The following NTRK3 variants were observed in gnomAD, a reference collection of about 807,000 sequenced individuals.
NTRK3 encodes neurotrophic receptor tyrosine kinase 3.
A neutral mutation model predicts 91.7 loss-of-function variants in NTRK3; 24 were observed. That is an observed-to-expected ratio of 0.26 (90% confidence interval 0.19 to 0.37). The LOEUF (loss-of-function observed/expected upper bound fraction) is 0.37, where lower values mean the gene tolerates loss of function less well. NTRK3 is among the 10% of genes least tolerant of loss of function. NTRK3 has a pLI of 1.00. For synonymous variants in NTRK3, 483 were observed against 404.0 expected, an observed-to-expected ratio of 1.20 and a Z score of -2.34; for missense variants, 880 against 1,068.9, an observed-to-expected ratio of 0.82 and a Z score of 2.46.
At chr15:88,109,493 A>G (rs1423340080) in intron 13 of NTRK3, among the ~76,000 whole-genome samples, 2 of 152,210 alleles carry the variant, frequency 1.3e-5, no homozygotes, top group Non-Finnish European at 2.9e-5. Flanking sequence ...TCAAATGGAA[A>G]CATGAAAGTG....
chr15:88,168,759 T>C (rs1032560948), intron 5 of NTRK3, among the ~76,000 whole-genome samples: 1 of 152,208 alleles, frequency 6.6e-6, no homozygotes, highest in African/African-American at 2.4e-5. Flanking sequence ...GTCATCTCCC[T>C]TAATTCCTCT....
intron 17 of NTRK3, chr15:87,916,420 A>G: frequency 1.5e-6 from 1 of 679,774 alleles, no homozygotes; most frequent in Non-Finnish European, 2.7e-6. Context: ...TCAACACCAG[A>G]TTCAATGGTC....
intron 3 of NTRK3, among the ~76,000 whole-genome samples, chr15:88,198,697 G>A (rs1336359813): frequency 2.7e-5 from 4 of 149,388 alleles, no homozygotes; most frequent in Non-Finnish European, 5.9e-5. Context: ...TCAGTTCTGC[G>A]CTCAGTAAGC....
At chr15:88,153,485 C>T (rs1377458769) in intron 5 of NTRK3, among the ~76,000 whole-genome samples, 1 of 152,146 alleles carries the variant, frequency 6.6e-6, no homozygotes, top group Non-Finnish European at 1.5e-5. Flanking sequence ...AAACTCCTGA[C>T]CTCAGGTGAT....
At chr15:88,180,719 G>A (rs886865299) in intron 5 of NTRK3, among the ~76,000 whole-genome samples, 12 of 148,950 alleles carry the variant, frequency 8.1e-5, no homozygotes, top group East Asian at 2.0e-4. Flanking sequence ...GCCAGGGCTC[G>A]GCAATTAGTG....
At chr15:88,061,547 G>A (rs563027172) in intron 13 of NTRK3, among the ~76,000 whole-genome samples, 1 of 152,360 alleles carries the variant, frequency 6.6e-6, no homozygotes, top group African/African-American at 2.4e-5. Context: ...GGAGCAGAGT[G>A]GCAGCCGGAA....
intron 14 of NTRK3, among the ~76,000 whole-genome samples, chr15:87,963,759 T>C (rs547129437): frequency 7.2e-4 from 109 of 152,274 alleles, no homozygotes; most frequent in African/African-American, 2.3e-3. Flanking sequence ...TCATGGTAAA[T>C]TGAGGAGCAT....
rs775151422 is a variant in NTRK3 at position 88,255,015 on chromosome 15, G to T, written c.248+891C>A. 2.0e-5 allele frequency among the ~76,000 whole-genome samples: 3 copies of T among 152,162 alleles called. No homozygotes were observed. Among genetic ancestry groups the T allele is most frequent in the Admixed American group, 6.5e-5 (1 of 15,282 alleles). On this transcript the variant is annotated intron_variant, in intron 3 of 18. Transcript: ENST00000394480. The surrounding 1 kb of genome is among the most constrained non-coding windows in gnomAD (Gnocchi z 4.3). The stretch of plus-strand genomic sequence containing the variant: ...AAAGAAAAATAGCAAGGAGAAAAGA[G>T]CAGGCCACCACTGGTCTCCCTCGGA...
Position 88,241,036 on chromosome 15 carries a change from A to G in NTRK3, c.248+14870T>C, listed in dbSNP as rs1304731792. Among the ~76,000 whole-genome samples the G allele has an allele frequency of 2.6e-5, 4 of 152,194 alleles. No individual in the cohort carries two copies. The East Asian group carries it at 7.7e-4, about 29-fold the overall frequency. ...GTCCACAGGTCTTTACTGAACACCTACTAGGTGGGGGCTCTTGGGGACAGA... is the reference window on the plus strand; with the variant it reads ...GTCCACAGGTCTTTACTGAACACCTGCTAGGTGGGGGCTCTTGGGGACAGA... On this transcript the variant is annotated intron_variant, in intron 3 of 18. Transcript: ENST00000394480. This position sits in a 1 kb window ranked among gnomAD's most constrained non-coding sequence, Gnocchi z 4.3.
intron 15 of NTRK3, among the ~76,000 whole-genome samples, chr15:87,938,857 G>C (rs2069541231): frequency 6.6e-6 from 1 of 152,152 alleles, no homozygotes; most frequent in African/African-American, 2.4e-5. Context: ...TTGTCCATCT[G>C]ACCATCTCAT....
chr15:88,042,283 A>C (rs1469040107), intron 13 of NTRK3, among the ~76,000 whole-genome samples: 1 of 152,234 alleles, frequency 6.6e-6, no homozygotes, highest in African/African-American at 2.4e-5. Flanking sequence ...AGAGGCAAAC[A>C]AAAGAAAATC....
chr15:88,136,600 T>C (rs2151212396), exon 8 of NTRK3: 1 of 1,612,726 alleles, frequency 6.2e-7, no homozygotes. Context: ...CACGCTGATC[T>C]CAGGAAGGTC....
chr15:88,021,024 G>A (rs2077555245), intron 14 of NTRK3, among the ~76,000 whole-genome samples: 1 of 152,204 alleles, frequency 6.6e-6, no homozygotes, highest in African/African-American at 2.4e-5. Flanking sequence ...GATCTGCCTG[G>A]AAACGAGGAA....
intron 13 of NTRK3, among the ~76,000 whole-genome samples, chr15:88,068,956 G>C (rs543956457): frequency 2.0e-5 from 3 of 152,288 alleles, no homozygotes; most frequent in African/African-American, 7.2e-5. Context: ...GGAAGAAAGA[G>C]AGGTAGGTAC....
intron 14 of NTRK3, among the ~76,000 whole-genome samples, chr15:88,005,378 T>G (rs190484978): frequency 1.1e-4 from 17 of 152,278 alleles, no homozygotes; most frequent in Admixed American, 1.0e-3. Flanking sequence ...GGGGACAGGC[T>G]TTCCTAGGCA....
intron 14 of NTRK3, among the ~76,000 whole-genome samples, chr15:87,988,329 T>G (rs1330249733): frequency 6.6e-6 from 1 of 152,178 alleles, no homozygotes; most frequent in East Asian, 1.9e-4. Context: ...TAAGAAGACA[T>G]GATAACTAAA....
chr15:88,178,087 CAGA>C (rs1567590447), intron 5 of NTRK3, among the ~76,000 whole-genome samples: 4 of 152,298 alleles, frequency 2.6e-5, no homozygotes, highest in East Asian at 1.9e-4. Context: ...CCACAAAGAA[CAGA>C]AGAAGGAGGA....
intron 17 of NTRK3, among the ~76,000 whole-genome samples, chr15:87,894,774 C>A (rs1252288367): frequency 6.6e-6 from 1 of 152,204 alleles, no homozygotes; most frequent in Non-Finnish European, 1.5e-5. Flanking sequence ...TTAGAAATAG[C>A]AGCCTGGTCT....
intron 5 of NTRK3, among the ~76,000 whole-genome samples, chr15:88,149,325 TGGA>T (rs2043168814): frequency 1.3e-5 from 2 of 152,160 alleles, no homozygotes; most frequent in African/African-American, 4.8e-5. Context: ...TGCAGGGTAC[TGGA>T]GGAGAAGGGA....
Sources: allele counts gnomAD v4.1 joint callset (sites outside exome capture counted in the v4.1 genomes callset), GRCh38; gene constraint gnomAD v4.1.1; non-coding constraint Gnocchi (gnomAD v3.1); transcripts MANE v1.5; gene names NCBI Gene and HGNC (gene_info 2026-07-23, HGNC 2026-07-21).